Variants in NARS2 observed in about 807,000 individuals in gnomAD.
NARS2 encodes the protein asparaginyl-tRNA synthetase.
NARS2 carries 60 observed loss-of-function variants against 62.9 expected under a neutral mutation model. The ratio of observed to expected loss-of-function variants is 0.95; its 90% CI spans 0.77 to 1.18. The LOEUF (loss-of-function observed/expected upper bound fraction) is 1.18, where lower values mean the gene tolerates loss of function less well. Ranked by LOEUF, NARS2 falls within the 50% of genes most tolerant of loss-of-function variation. The probability of loss-of-function intolerance (pLI) is 0.00; values close to 1 mark genes in which losing one functional copy is unlikely to be tolerated. For synonymous variants in NARS2, 196 were observed against 200.0 expected, an observed-to-expected ratio of 0.98 and a Z score of 0.17; for missense variants, 619 against 576.4, an observed-to-expected ratio of 1.07 and a Z score of -0.76.
At position 78,550,357 on chromosome 11, in the gene NARS2, A is replaced by G. The variant is rs933246673; in HGVS notation, c.594+9182T>C. ...AAAGTAACTTTAAAGTGACCAATAC[A>G]CTTCTTGTTCTTTGTTTATATTTCC... is the stretch of plus-strand genomic sequence containing the variant. On this transcript the variant is annotated intron_variant, in intron 5 of 13. Transcript: ENST00000281038. Among the ~76,000 whole-genome samples, 18 of 152,126 alleles carry G rather than the reference A, an allele frequency of 1.2e-4. No individual in the cohort carries two copies. The East Asian group carries it at 2.3e-3, about 20-fold the overall frequency.
intron 13 of NARS2, among the ~76,000 whole-genome samples, chr11:78,439,258 C>T (rs895994584): frequency 9.2e-5 from 14 of 152,184 alleles, no homozygotes; most frequent in African/African-American, 2.4e-4. Context: ...AGGCTGGTCT[C>T]GAACTCCTGA....
chr11:78,460,456 G>C (rs1852544299), intron 11 of NARS2, among the ~76,000 whole-genome samples: 1 of 152,074 alleles, frequency 6.6e-6, no homozygotes, highest in African/African-American at 2.4e-5. Context: ...AACTGATTCA[G>C]AAGAGGAAAG....
chr11:78,553,435 T>C (rs113946822), intron 5 of NARS2, among the ~76,000 whole-genome samples: 3,614 of 152,148 alleles, frequency 0.024, 132 homozygotes, highest in African/African-American at 0.082. Flanking sequence ...ATTACAGGCA[T>C]GTGCCACCAT....
chr11:78,477,925 T>C (rs1156833809), intron 9 of NARS2, among the ~76,000 whole-genome samples: 1 of 152,074 alleles, frequency 6.6e-6, no homozygotes, highest in African/African-American at 2.4e-5. Flanking sequence ...TCTCTCTCTA[T>C]CTCCACACAC....
chr11:78,515,741 TCTCAAACTCTAGG>T (rs1349287317), intron 6 of NARS2, among the ~76,000 whole-genome samples: 1 of 151,566 alleles, frequency 6.6e-6, no homozygotes, highest in African/African-American at 2.4e-5. Flanking sequence ...TCCAGTCTAG[TCTCAAACTCTAGG>T]CTCAAGCCGT....
chr11:78,523,960 T>C (rs1861214967), intron 6 of NARS2, among the ~76,000 whole-genome samples: 2 of 152,142 alleles, frequency 1.3e-5, no homozygotes, highest in African/African-American at 4.8e-5. Flanking sequence ...CCCACTGAAT[T>C]GCACACTTCA....
At chr11:78,446,821 A>T (rs1857777115) in intron 11 of NARS2, among the ~76,000 whole-genome samples, 1 of 152,168 alleles carries the variant, frequency 6.6e-6, no homozygotes, top group Admixed American at 6.5e-5. Flanking sequence ...AGCACAGACA[A>T]CCAATGCAAA....
chr11:78,466,754 T>A (rs1858640453), intron 10 of NARS2, among the ~76,000 whole-genome samples: 1 of 152,206 alleles, frequency 6.6e-6, no homozygotes, highest in Non-Finnish European at 1.5e-5. Context: ...GTGCTGGGAT[T>A]ACAGGTGTGA....
At chr11:78,535,720 C>T (rs1000473130) in intron 5 of NARS2, among the ~76,000 whole-genome samples, 1 of 151,882 alleles carries the variant, frequency 6.6e-6, no homozygotes, top group Admixed American at 6.6e-5. Context: ...ACCTCTGCCC[C>T]GCCAGGTTCA....
At chr11:78,568,594 A>G (rs1423253531) in intron 3 of NARS2, 38 bp downstream of exon 3, 2 of 1,592,530 alleles carry the variant, frequency 1.3e-6, no homozygotes, top group Non-Finnish European at 1.7e-6. Flanking sequence ...TCTTAATTAA[A>G]GCCTAAACAG....
chr11:78,465,587 C>T (rs1203282806), intron 11 of NARS2, among the ~76,000 whole-genome samples: 6 of 152,210 alleles, frequency 3.9e-5, no homozygotes, highest in Admixed American at 3.9e-4. Flanking sequence ...CACTTCCTCT[C>T]AGTCATTACA....
chr11:78,554,508 C>CGTGTGCGTGTGTGTGTGT (rs1555041426), intron 5 of NARS2, among the ~76,000 whole-genome samples: 1 of 146,914 alleles, frequency 6.8e-6, no homozygotes, highest in Non-Finnish European at 1.5e-5. Context: ...GGCGTGTGTG[C>CGTGTGCGTGTGTGTGTGT]GTGTGTGTGT....
intron 11 of NARS2, among the ~76,000 whole-genome samples, chr11:78,454,114 C>T (rs1163411325): frequency 6.6e-6 from 1 of 151,280 alleles, no homozygotes; most frequent in Non-Finnish European, 1.5e-5. Flanking sequence ...ATGAGTTCCT[C>T]CACTTGAGAG....
At chr11:78,497,064 G>A (rs11237521) in intron 6 of NARS2, among the ~76,000 whole-genome samples, 1 of 151,892 alleles carries the variant, frequency 6.6e-6, no homozygotes, top group Non-Finnish European at 1.5e-5. Context: ...GAGACCAGGA[G>A]AAAAAGAAAA....
intron 6 of NARS2, among the ~76,000 whole-genome samples, chr11:78,514,736 A>G (rs1350752903): frequency 6.6e-6 from 1 of 152,214 alleles, no homozygotes; most frequent in Non-Finnish European, 1.5e-5. Flanking sequence ...AAAGGAATTC[A>G]ATACTAGAAA....
intron 11 of NARS2, among the ~76,000 whole-genome samples, chr11:78,461,969 A>C (rs1219777541): frequency 2.0e-5 from 3 of 152,132 alleles, no homozygotes; most frequent in African/African-American, 7.2e-5. Flanking sequence ...AAAAGAAAAG[A>C]AAGAAAGCAA....
chr11:78,563,556 G>C (rs983330396), intron 4 of NARS2, among the ~76,000 whole-genome samples: 2 of 151,646 alleles, frequency 1.3e-5, no homozygotes, highest in East Asian at 2.0e-4. Flanking sequence ...TTTTTGGCCA[G>C]GGTTGGTGGC....
intron 5 of NARS2, among the ~76,000 whole-genome samples, chr11:78,551,273 T>C (rs546387388): frequency 9.9e-5 from 15 of 152,278 alleles, no homozygotes; most frequent in African/African-American, 3.6e-4. Flanking sequence ...ACGGAGTCTA[T>C]TTACACAGAC....
chr11:78,441,207 T>C, intron 12 of NARS2, 90 bp from the exon 13 acceptor site: 1 of 1,203,916 alleles, frequency 8.3e-7, no homozygotes, highest in Non-Finnish European at 1.2e-6. Flanking sequence ...TGCAAAGAAC[T>C]CTTTATGAAG....
Sources: allele counts gnomAD v4.1 joint callset (sites outside exome capture counted in the v4.1 genomes callset), GRCh38; gene constraint gnomAD v4.1.1; transcripts MANE v1.5; gene names NCBI Gene and HGNC (gene_info 2026-07-23, HGNC 2026-07-21).